Variants in CTAGE1 observed in about 807,000 individuals in gnomAD.
CTAGE1 encodes the protein cutaneous T cell lymphoma-associated antigen 1, also known as cTAGE family member 2.
For missense variants in CTAGE1, 963 were observed against 855.9 expected, an observed-to-expected ratio of 1.13 and a Z score of -1.56; for synonymous variants, 332 against 302.8, an observed-to-expected ratio of 1.10 and a Z score of -1.00.
rs914716809 is a variant in CTAGE1 at position 22,414,013 on chromosome 18, T to C, written c.*1561A>G. On this transcript the variant is annotated 3_prime_UTR_variant, in exon 1 of 1. Transcript: ENST00000391403. ...ACATAGACAGAAATCCAGAAAAATC[T>C]CCTTAATCTTGCAATTCCCACCTAA... 1 of 152,160 alleles carries C rather than the reference T, an allele frequency of 6.6e-6. No individual in the cohort carries two copies. Among genetic ancestry groups the C allele is most frequent in the Non-Finnish European group, 1.5e-5 (1 of 68,036 alleles). The allele number at this position is 152,160 out of a possible 1,614,324, so 9.4% of individuals were successfully genotyped here.
Position 22,414,924 on chromosome 18 carries a change from CAG to C in CTAGE1, c.*648_*649del, listed in dbSNP as rs1308788258. Reference sequence around the variant, plus strand: ...GCGAAGAAACCATTCTTGAGGAAAACAGAGGAAACACGAATACTTTCTGCTAT... The same window carrying C: ...GCGAAGAAACCATTCTTGAGGAAAACAGGAAACACGAATACTTTCTGCTAT... On this transcript the variant is annotated 3_prime_UTR_variant, in exon 1 of 1. Coordinates refer to ENST00000391403, the MANE Select transcript of CTAGE1 (RefSeq NM_172241.3). 6 of 645,270 alleles carry C rather than the reference CAG, an allele frequency of 9.3e-6. No individual in the cohort carries two copies. Among genetic ancestry groups the C allele is most frequent in the Admixed American group, 5.2e-5 (2 of 38,592 alleles). The allele number at this position is 645,270 out of a possible 1,614,324, so 40.0% of individuals were successfully genotyped here.
rs748449666 is a variant in CTAGE1 at position 22,415,546 on chromosome 18, T to C, written c.*28A>G. On this transcript the variant is annotated 3_prime_UTR_variant, in exon 1 of 1. Coordinates refer to ENST00000391403, the MANE Select transcript of CTAGE1 (RefSeq NM_172241.3). Reference sequence around the variant, plus strand: ...GCAGCAGGCTCATTTGAAGTCGGACTCAACCCTGATGGAAACTCATTCTAC... The same window carrying C: ...GCAGCAGGCTCATTTGAAGTCGGACCCAACCCTGATGGAAACTCATTCTAC... 3.9e-6 allele frequency: 6 copies of C among 1,544,620 alleles called. No homozygotes were observed. Among genetic ancestry groups the C allele is most frequent in the Non-Finnish European group, 5.3e-6 (6 of 1,141,838 alleles).
Position 22,414,960 on chromosome 18 carries a change from T to A in CTAGE1, c.*614A>T. The A allele has an allele frequency of 1.6e-6, 1 of 613,000 alleles. No individual in the cohort carries two copies. The allele number at this position is 613,000 out of a possible 1,614,324, so 38.0% of individuals were successfully genotyped here. A position where few individuals can be genotyped will look rare whatever the true frequency, so the allele number is the denominator to read the frequency against. ...CGAATACTTTCTGCTATAAATGTTT[T>A]ACACTCTCAAAGTACTGAAAGAGGA... On this transcript the variant is annotated 3_prime_UTR_variant, in exon 1 of 1. Transcript: ENST00000391403.
chr18:22,417,393 GAA>G lies in CTAGE1; in HGVS notation c.417_418del (p.Ser140GlnfsTer9). ...ATCTTCTAGCGACTGTATCCTTTTG[GAA>G]ATATCCGCCATCAATTCATTTTGTT... On this transcript the variant is annotated frameshift_variant, in exon 1 of 1. Transcript: ENST00000391403. LOFTEE classifies it low-confidence loss of function (END_TRUNC). 6.2e-7 allele frequency: 1 copy of G among 1,613,916 alleles called. No individual in the cohort carries two copies. Among genetic ancestry groups the G allele is most frequent in the Non-Finnish European group, 8.5e-7 (1 of 1,179,846 alleles).
At position 22,414,899 on chromosome 18, in the gene CTAGE1, G is replaced by A. The variant is rs1358022367; in HGVS notation, c.*675C>T. On this transcript the variant is annotated 3_prime_UTR_variant, in exon 1 of 1. Transcript: ENST00000391403. ...GAAGACGAAGGGAAGGAAAGGGAGGGCGAAGAAACCATTCTTGAGGAAAAC... is the reference window on the plus strand; with the variant it reads ...GAAGACGAAGGGAAGGAAAGGGAGGACGAAGAAACCATTCTTGAGGAAAAC... The A allele has an allele frequency of 7.7e-6, 5 of 651,138 alleles. No individual in the cohort carries two copies. Among genetic ancestry groups the A allele is most frequent in the Non-Finnish European group, 1.4e-5 (5 of 363,796 alleles). 40.3% of individuals were successfully genotyped at this position (651,138 alleles called of 1,614,324 possible). A position where few individuals can be genotyped will look rare whatever the true frequency, so the allele number is the denominator to read the frequency against.
At position 22,414,780 on chromosome 18, in the gene CTAGE1, A is replaced by G; in HGVS notation, c.*794T>C. The stretch of plus-strand genomic sequence containing the variant: ...TCTGGGGCAAGTAAAAGTTCTGGAT[A>G]AAGTTGTTCCCACCAAATAAAAATA... On this transcript the variant is annotated 3_prime_UTR_variant, in exon 1 of 1. Coordinates refer to ENST00000391403, the MANE Select transcript of CTAGE1 (RefSeq NM_172241.3). The G allele has an allele frequency of 1.4e-6, 1 of 702,932 alleles. No individual in the cohort carries two copies. The highest frequency in any genetic ancestry group is 1.5e-5 in the South Asian group (1 of 67,590). The allele number at this position is 702,932 out of a possible 1,614,324, so 43.5% of individuals were successfully genotyped here.
rs778725596 is a variant in CTAGE1, at chr18:22,416,992, AAG to A, written c.818_819del (p.Ala273ValfsTer4). 1.9e-6 allele frequency: 3 copies of A among 1,613,932 alleles called. No homozygotes were observed. The African/African-American group carries it at 4.0e-5, about 22-fold the overall frequency. Reference protein sequence around the residue: ...LEMNSESEDGAYLDNPPKGAL... With the variant: ...LEMNSESEDGXYLDNPPKGAL... ...GCTCCTTTTGGAGGATTATCTAAGT[AAG>A]CACCATCTTCCGATTCACTGTTCAT... On this transcript the variant is annotated frameshift_variant, in exon 1 of 1. Coordinates refer to ENST00000391403, the MANE Select transcript of CTAGE1 (RefSeq NM_172241.3). LOFTEE classifies it low-confidence loss of function (END_TRUNC).
At position 22,414,524 on chromosome 18, in the gene CTAGE1, A is replaced by G. The variant is rs2034985382; in HGVS notation, c.*1050T>C. 1.7e-6 allele frequency: 1 copy of G among 594,386 alleles called. No homozygotes were observed. Among genetic ancestry groups the G allele is most frequent in the Admixed American group, 3.0e-5 (1 of 32,922 alleles). The allele number at this position is 594,386 out of a possible 1,614,324, so 36.8% of individuals were successfully genotyped here. A position where few individuals can be genotyped will look rare whatever the true frequency, so the allele number is the denominator to read the frequency against. ...CCCAGCTTGCATGAAGGACTAATCC[A>G]AAATTTGAGGGCGTCTCTCAGGGAA... On this transcript the variant is annotated 3_prime_UTR_variant, in exon 1 of 1. Transcript: ENST00000391403.
In CTAGE1 at chr18:22,414,413, C is replaced by A; in HGVS notation, c.*1161G>T. ...TACATTCAAGCAGAGACTGGAGTGG[C>A]ATTAACTGCTAGGGGAGGCATGTGA... On this transcript the variant is annotated 3_prime_UTR_variant, in exon 1 of 1. Transcript: ENST00000391403. 2.1e-6 allele frequency: 1 copy of A among 481,698 alleles called. No homozygotes were observed. The highest frequency in any genetic ancestry group is 3.7e-6 in the Non-Finnish European group (1 of 273,642). The allele number at this position is 481,698 out of a possible 1,614,324, so 29.8% of individuals were successfully genotyped here.
Position 22,417,549 on chromosome 18 carries a change from T to C in CTAGE1, c.263A>G (p.Glu88Gly), listed in dbSNP as rs768701296. 3 of 1,614,034 alleles carry C rather than the reference T, an allele frequency of 1.9e-6. No homozygotes were observed. Among genetic ancestry groups the C allele is most frequent in the Middle Eastern group, 1.7e-4 (1 of 6,056 alleles). Residue 88 changes from glutamate (E) to glycine (G), a missense_variant, in exon 1 of 1, where the codon GAG (glutamate) becomes GGG (glycine). Coordinates refer to ENST00000391403, the MANE Select transcript of CTAGE1 (RefSeq NM_172241.3). ...ACTTTGTGCTTCTGTTGCCTCCTTC[T>C]CAAAGCTGGCATTCTTTAAAGATGA... Reference protein sequence around the residue: ...VESSLKNASFEKEATEAQSLE... With the variant: ...VESSLKNASFGKEATEAQSLE...
Position 22,416,250 on chromosome 18 carries a change from G to A in CTAGE1, c.1562C>T (p.Pro521Leu), listed in dbSNP as rs1281511095. The A allele has an allele frequency of 6.2e-7, 1 of 1,613,912 alleles. No individual in the cohort carries two copies. Among genetic ancestry groups the A allele is most frequent in the Non-Finnish European group, 8.5e-7 (1 of 1,179,862 alleles). ...TCTGGAGCCTCTTCCTCCTCCCCGT[G>A]GAAGCAAAGGTGAGAGTCTGAGAGG... ...EGPLRLSPLLPRGGGRGSRGP... is the reference protein window; with the variant it reads ...EGPLRLSPLLLRGGGRGSRGP... The change falls in exon 1 of 1, where the codon CCA becomes CTA. Residue 521 changes from proline to leucine, a missense_variant. Pro to Leu is a moderately conservative substitution (Grantham distance 98, BLOSUM62 -3). Transcript: ENST00000391403.
Position 22,417,401 on chromosome 18 carries a change from C to T in CTAGE1, c.411G>A (p.Ala137=), listed in dbSNP as rs778256680. The change falls in exon 1 of 1, where the codon GCG becomes GCA. Residue 137 remains alanine (A), a synonymous_variant. Transcript: ENST00000391403. ...SKHSEQNELM[A]DISKRIQSLE... Reference sequence around the variant, plus strand: ...GCGACTGTATCCTTTTGGAAATATCCGCCATCAATTCATTTTGTTCAGAAT... The same window carrying T: ...GCGACTGTATCCTTTTGGAAATATCTGCCATCAATTCATTTTGTTCAGAAT... 3.7e-6 allele frequency: 6 copies of T among 1,613,780 alleles called. No individual in the cohort carries two copies. The highest frequency in any genetic ancestry group is 4.5e-5 in the East Asian group (2 of 44,884).
At position 22,414,630 on chromosome 18, in the gene CTAGE1, C is replaced by T; in HGVS notation, c.*944G>A. 1 of 694,874 alleles carries T rather than the reference C, an allele frequency of 1.4e-6. No homozygotes were observed. Among genetic ancestry groups the T allele is most frequent in the Non-Finnish European group, 2.6e-6 (1 of 382,638 alleles). The allele number at this position is 694,874 out of a possible 1,614,324, so 43.0% of individuals were successfully genotyped here. A position where few individuals can be genotyped will look rare whatever the true frequency, so the allele number is the denominator to read the frequency against. On this transcript the variant is annotated 3_prime_UTR_variant, in exon 1 of 1. Transcript: ENST00000391403. ...CAAATTCACCAACTGCAATTAAGCA[C>T]TATCTTAGATTTACTCCTTCCCCTT...
Position 22,416,667 on chromosome 18 carries a change from T to A in CTAGE1, c.1145A>T (p.Glu382Val). ...VEEKCRLEKEEKLSKVDEMIS... is the reference protein window; with the variant it reads ...VEEKCRLEKEVKLSKVDEMIS... The stretch of plus-strand genomic sequence containing the variant: ...CATTTCGTCTACTTTAGAAAGTTTC[T>A]CTTCTTTCTCTAACCGGCATTTTTC... The change falls in exon 1 of 1, where the codon GAG becomes GTG. Residue 382 changes from glutamate to valine, a missense_variant. Physicochemically the swap from Glu to Val is moderately radical, Grantham distance 121. Transcript: ENST00000391403. 1 of 1,614,014 alleles carries A rather than the reference T, an allele frequency of 6.2e-7. No homozygotes were observed. The highest frequency in any genetic ancestry group is 8.5e-7 in the Non-Finnish European group (1 of 1,179,980).
chr18:22,415,778 C>T lies in CTAGE1; in HGVS notation c.2034G>A (p.Arg678=). Residue 678 remains arginine, a synonymous_variant, in exon 1 of 1, where the codon AGG becomes AGA. Coordinates refer to ENST00000391403, the MANE Select transcript of CTAGE1 (RefSeq NM_172241.3). The part of the protein sequence containing the change: ...IRGLLFPVDT[R]GPFIRRGPPF... ...GAGGTCCTCTTCTTATGAACGGGCC[C>T]CTTGTATCTACTGGAAACAATAAAC... 6.2e-7 allele frequency: 1 copy of T among 1,613,874 alleles called. No homozygotes were observed. The highest frequency in any genetic ancestry group is 1.1e-5 in the South Asian group (1 of 91,062).
In CTAGE1 at chr18:22,415,564, C is replaced by T. The variant is rs2034998801; in HGVS notation, c.*10G>A. 4 of 1,583,006 alleles carry T rather than the reference C, an allele frequency of 2.5e-6. No individual in the cohort carries two copies. In the East Asian group the frequency reaches 9.0e-5, roughly 35 times the overall value. On this transcript the variant is annotated 3_prime_UTR_variant, in exon 1 of 1. Coordinates refer to ENST00000391403, the MANE Select transcript of CTAGE1 (RefSeq NM_172241.3). ...GTCGGACTCAACCCTGATGGAAACT[C>T]ATTCTACCTTCAGAATGTGGGGGCT...
rs940423502 is a variant in CTAGE1, at chr18:22,414,657, C to A, written c.*917G>T. On this transcript the variant is annotated 3_prime_UTR_variant, in exon 1 of 1. Coordinates refer to ENST00000391403, the MANE Select transcript of CTAGE1 (RefSeq NM_172241.3). ...ATCTTAGATTTACTCCTTCCCCTTG[C>A]CACAGCAAGAGAAAAGCAGAACATA... The A allele has an allele frequency of 2.8e-6, 2 of 702,340 alleles. No individual in the cohort carries two copies. Among genetic ancestry groups the A allele is most frequent in the Non-Finnish European group, 5.2e-6 (2 of 384,886 alleles). 43.5% of individuals were successfully genotyped at this position (702,340 alleles called of 1,614,324 possible). A position where few individuals can be genotyped will look rare whatever the true frequency, so the allele number is the denominator to read the frequency against.
In CTAGE1 at chr18:22,417,571, A is replaced by G. The variant is rs759305878; in HGVS notation, c.241T>C (p.Ser81Pro). 18 of 1,613,998 alleles carry G rather than the reference A, an allele frequency of 1.1e-5. No individual in the cohort carries two copies. The highest frequency in any genetic ancestry group is 3.3e-4 in the Middle Eastern group (2 of 6,056). The change falls in exon 1 of 1, where the codon TCT becomes CCT. Residue 81 changes from serine (S) to proline (P), a missense_variant. Transcript: ENST00000391403. ...TTCTCAAAGCTGGCATTCTTTAAAG[A>G]TGACTCTACTTCATAGCCTTCATAC... ...KEYEGYEVES[S>P]LKNASFEKEA...
chr18:22,415,820 A>AG lies in CTAGE1; in HGVS notation c.1991dup (p.Leu665SerfsTer86). The AG allele has an allele frequency of 6.2e-7, 1 of 1,613,956 alleles. No homozygotes were observed. The highest frequency in any genetic ancestry group is 1.1e-5 in the South Asian group (1 of 91,070). On this transcript the variant is annotated frameshift_variant, in exon 1 of 1. Coordinates refer to ENST00000391403, the MANE Select transcript of CTAGE1 (RefSeq NM_172241.3). LOFTEE classifies it low-confidence loss of function (END_TRUNC). ...ACAATAAACCTCTGATTGGAGCAAG[A>AG]GGTGGAGGAACAAAGCCAGGGCCAG...
Sources: gnomAD v4.1 joint callset for allele counts on GRCh38, gnomAD v4.1.1 for gene constraint, MANE v1.5 for transcripts, NCBI Gene and HGNC (gene_info 2026-07-23, HGNC 2026-07-21) for gene names.